MAML3: variants seen among roughly 807,000 people sequenced by gnomAD.
The protein encoded by MAML3 is mastermind like transcriptional coactivator 3.
Under a neutral mutation model 101.9 loss-of-function variants are expected in MAML3, and 27 were observed. That is an observed-to-expected ratio of 0.27 (90% CI 0.20 to 0.37). The LOEUF (loss-of-function observed/expected upper bound fraction) is 0.37, where lower values mean the gene tolerates loss of function less well. MAML3 is among the 10% of genes least tolerant of loss of function. The pLI, the probability that MAML3 is intolerant of heterozygous loss-of-function variation, is 1.00. For synonymous variants in MAML3, 501 were observed against 555.9 expected, an observed-to-expected ratio of 0.90 and a Z score of 1.39; for missense variants, 1,316 against 1,444.9, an observed-to-expected ratio of 0.91 and a Z score of 1.45.
intron 1 of MAML3, among the ~76,000 whole-genome samples, chr4:140,144,365 A>G (rs968943729): frequency 1.3e-5 from 2 of 151,992 alleles, no homozygotes; most frequent in Non-Finnish European, 2.9e-5. Context: ...TGGGAAACAC[A>G]GCAAAAACCC....
chr4:139,837,064 G>A (rs1731266433), intron 2 of MAML3, among the ~76,000 whole-genome samples: 1 of 148,438 alleles, frequency 6.7e-6, no homozygotes, highest in Non-Finnish European at 1.5e-5. Context: ...GGATGTTGCT[G>A]TGAGCTGAGA....
intron 1 of MAML3, among the ~76,000 whole-genome samples, chr4:140,152,146 C>G (rs1225031464): frequency 6.6e-6 from 1 of 152,216 alleles, no homozygotes; most frequent in African/African-American, 2.4e-5. Context: ...CCGGGCTAGC[C>G]CCGAGTCGCG....
chr4:139,910,187 C>T (rs1241297105), intron 1 of MAML3, among the ~76,000 whole-genome samples: 1 of 152,204 alleles, frequency 6.6e-6, no homozygotes, highest in Non-Finnish European at 1.5e-5. Flanking sequence ...CTATGACACT[C>T]AGCAGCCTCA....
At chr4:139,729,345 C>T (rs922906905) in intron 3 of MAML3, among the ~76,000 whole-genome samples, 4 of 151,974 alleles carry the variant, frequency 2.6e-5, no homozygotes, top group East Asian at 3.9e-4. Context: ...TCTGGCAGGG[C>T]GTGGTGGCTC....
intron 1 of MAML3, among the ~76,000 whole-genome samples, chr4:140,096,828 T>C (rs988116614): frequency 1.3e-5 from 2 of 152,152 alleles, no homozygotes; most frequent in African/African-American, 4.8e-5. Context: ...AGTTACATTC[T>C]GTGCAATATT....
At chr4:139,829,015 A>ACGG (rs1731114721) in intron 2 of MAML3, among the ~76,000 whole-genome samples, 1 of 133,970 alleles carries the variant, frequency 7.5e-6, no homozygotes, top group African/African-American at 3.2e-5. Flanking sequence ...GGAAGGAAGG[A>ACGG]AGGAAGGACG....
At chr4:139,836,815 T>A (rs1435566522) in intron 2 of MAML3, among the ~76,000 whole-genome samples, 1 of 152,158 alleles carries the variant, frequency 6.6e-6, no homozygotes, top group African/African-American at 2.4e-5. Context: ...TTCAGATCTT[T>A]AATTTGCTAA....
At chr4:140,075,826 T>C (rs529641236) in intron 1 of MAML3, among the ~76,000 whole-genome samples, 63 of 151,892 alleles carry the variant, frequency 4.1e-4, no homozygotes, top group Non-Finnish European at 7.5e-4. Flanking sequence ...AGTGGTATGA[T>C]CTTGGCTCAC....
chr4:139,777,229 T>G (rs1296027452), intron 2 of MAML3, among the ~76,000 whole-genome samples: 1 of 152,192 alleles, frequency 6.6e-6, no homozygotes, highest in Non-Finnish European at 1.5e-5. Flanking sequence ...GATCTTAGAC[T>G]TAATATGTCC....
intron 1 of MAML3, among the ~76,000 whole-genome samples, chr4:140,144,548 CAAAAAAA>C (rs758787783): frequency 1.0e-5 from 1 of 95,968 alleles, no homozygotes; most frequent in East Asian, 3.0e-4. Flanking sequence ...AAAGCAAAAC[CAAAAAAA>C]AAAAAAAAAA....
At chr4:139,738,480 T>C (rs1207753440) in intron 2 of MAML3, among the ~76,000 whole-genome samples, 2 of 151,994 alleles carry the variant, frequency 1.3e-5, no homozygotes, top group African/African-American at 4.8e-5. Context: ...GAGGCGGAGG[T>C]TGCAGTGAGC....
intron 1 of MAML3, among the ~76,000 whole-genome samples, chr4:140,132,851 CA>C (rs1218102032): frequency 6.6e-6 from 1 of 152,174 alleles, no homozygotes; most frequent in Non-Finnish European, 1.5e-5. Flanking sequence ...TTTACATATG[CA>C]ACTGTACCCT....
intron 1 of MAML3, among the ~76,000 whole-genome samples, chr4:140,149,939 C>CTTTTTTTTTTTTTT (rs3051828): frequency 1.5e-5 from 2 of 129,886 alleles, no homozygotes; most frequent in East Asian, 2.2e-4. Flanking sequence ...ATGTTTCTTT[C>CTTTTTTTTTTTTTT]TTTTTTTTTT....
At chr4:140,107,787 G>A (rs556834634) in intron 1 of MAML3, among the ~76,000 whole-genome samples, 2 of 151,780 alleles carry the variant, frequency 1.3e-5, no homozygotes, top group East Asian at 3.9e-4. Context: ...TTACCGGCAT[G>A]AGCCACCATG....
intron 2 of MAML3, among the ~76,000 whole-genome samples, chr4:139,795,155 G>A (rs934559830): frequency 6.6e-6 from 1 of 152,182 alleles, no homozygotes; most frequent in East Asian, 1.9e-4. Flanking sequence ...TGAAATTCAG[G>A]AAAGGCTGAA....
intron 2 of MAML3, among the ~76,000 whole-genome samples, chr4:139,814,712 T>A (rs2111116118): frequency 6.6e-6 from 1 of 152,050 alleles, no homozygotes; most frequent in Non-Finnish European, 1.5e-5. Flanking sequence ...GATAATGTAG[T>A]TTCTGGGGCA....
At chr4:139,829,914 C>G (rs1399939408) in intron 2 of MAML3, among the ~76,000 whole-genome samples, 14 of 152,156 alleles carry the variant, frequency 9.2e-5, no homozygotes, top group Admixed American at 8.5e-4. Flanking sequence ...AGAGGATAGC[C>G]TCTGTGACAA....
At chr4:140,149,077 A>C (rs1318340650) in intron 1 of MAML3, among the ~76,000 whole-genome samples, 1 of 152,188 alleles carries the variant, frequency 6.6e-6, no homozygotes, top group Non-Finnish European at 1.5e-5. Flanking sequence ...AATTTGCCTT[A>C]AAATTTTAAC....
At chr4:139,954,866 T>A (rs1733890338) in intron 1 of MAML3, among the ~76,000 whole-genome samples, 1 of 152,060 alleles carries the variant, frequency 6.6e-6, no homozygotes, top group Non-Finnish European at 1.5e-5. Context: ...AAATAGTACC[T>A]GTATACCATA....
Sources: gnomAD v4.1 joint callset for allele counts (sites outside exome capture counted in the v4.1 genomes callset) on GRCh38, gnomAD v4.1.1 for gene constraint, MANE v1.5 for transcripts, NCBI Gene and HGNC (gene_info 2026-07-23, HGNC 2026-07-21) for gene names.